Variants in TUSC3 observed in about 807,000 individuals in gnomAD.
TUSC3 encodes the protein dolichyl-diphosphooligosaccharide--protein glycosyltransferase subunit TUSC3.
A neutral mutation model predicts 44.8 loss-of-function variants in TUSC3; 45 were observed. The ratio of observed to expected loss-of-function variants is 1.00; its 90% CI spans 0.79 to 1.29. The LOEUF (loss-of-function observed/expected upper bound fraction) is 1.29. Among genes scored for constraint, TUSC3 ranks in the 50% most tolerant of loss-of-function variants. The pLI, the probability that TUSC3 is intolerant of heterozygous loss-of-function variation, is 0.00. For missense variants in TUSC3, 519 were observed against 437.9 expected, an observed-to-expected ratio of 1.19 and a Z score of -1.65; for synonymous variants, 212 against 152.9, an observed-to-expected ratio of 1.39 and a Z score of -2.85.
intron 2 of TUSC3, among the ~76,000 whole-genome samples, chr8:15,516,084 C>T (rs374471286): frequency 3.7e-4 from 56 of 152,262 alleles, no homozygotes; most frequent in African/African-American, 1.3e-3. Context: ...ATGTATAAAG[C>T]AGTAAGATTA....
the TUSC3 span, among the ~76,000 whole-genome samples, chr8:15,835,894 TTTC>T: frequency 0.011 from 1,656 of 152,270 alleles, 34 homozygotes; most frequent in African/African-American, 0.037. Flanking sequence ...TTTTTGCATA[TTTC>T]TTCTTCTTAC....
At chr8:15,814,233 G>A in the TUSC3 span, among the ~76,000 whole-genome samples, 1 of 152,174 alleles carries the variant, frequency 6.6e-6, no homozygotes, top group Non-Finnish European at 1.5e-5. Context: ...GTGATTGAGT[G>A]TATGTGTGTG....
At chr8:15,718,141 T>A (rs1312438578) in intron 6 of TUSC3, among the ~76,000 whole-genome samples, 1 of 152,082 alleles carries the variant, frequency 6.6e-6, no homozygotes, top group Non-Finnish European at 1.5e-5. Flanking sequence ...AGTAATAGAT[T>A]GATGAAAGTA....
chr8:15,526,888 A>C (rs1801380227), intron 2 of TUSC3, among the ~76,000 whole-genome samples: 1 of 152,192 alleles, frequency 6.6e-6, no homozygotes, highest in African/African-American at 2.4e-5. Context: ...GAAAAGATAA[A>C]GTACCCATAA....
At chr8:15,643,431 A>G (rs1179473414) in intron 2 of TUSC3, among the ~76,000 whole-genome samples, 1 of 151,482 alleles carries the variant, frequency 6.6e-6, no homozygotes, top group East Asian at 1.9e-4. Flanking sequence ...TTTAAGGAGA[A>G]CCAAAATTTC....
chr8:15,736,826 G>C (rs1585284159), intron 7 of TUSC3, among the ~76,000 whole-genome samples: 1 of 152,078 alleles, frequency 6.6e-6, no homozygotes, highest in Non-Finnish European at 1.5e-5. Context: ...AGACAGTAAT[G>C]TTCCCACTGA....
Position 15,730,714 on chromosome 8 carries a change from A to C in TUSC3, c.847A>C (p.Ile283Leu). 1 of 1,613,182 alleles carries C rather than the reference A, an allele frequency of 6.2e-7. No individual in the cohort carries two copies. The highest frequency in any genetic ancestry group is 8.5e-7 in the Non-Finnish European group (1 of 1,179,410). The change falls in exon 7 of 11, where the codon ATT becomes CTT. Residue 283 changes from isoleucine to leucine, a missense_variant. Coordinates refer to ENST00000503731, the MANE Select transcript of TUSC3 (RefSeq NM_006765.4). ...GGCTCAGTTTGTGGCAGAATCACAC[A>C]TTATTCTGGTACTGAGTATCCTTTT... ...SQAQFVAESHIILVLNAAITM... is the reference protein window; with the variant it reads ...SQAQFVAESHLILVLNAAITM...
chr8:15,611,280 A>G (rs1804749986), intron 1 of TUSC3, among the ~76,000 whole-genome samples: 1 of 152,106 alleles, frequency 6.6e-6, no homozygotes, highest in Admixed American at 6.5e-5. Context: ...CCCGCCTCCC[A>G]GGTTGAAACG....
At chr8:15,523,690 G>GTATATATATA (rs1327611283) in intron 2 of TUSC3, among the ~76,000 whole-genome samples, 26 of 50,978 alleles carry the variant, frequency 5.1e-4, no homozygotes, top group South Asian at 2.9e-3. Context: ...GTGTGTGTGT[G>GTATATATATA]TGTGTGTGTG....
intron 1 of TUSC3, among the ~76,000 whole-genome samples, chr8:15,586,575 T>C (rs1311867596): frequency 1.3e-5 from 2 of 152,150 alleles, no homozygotes; most frequent in African/African-American, 2.4e-5. Flanking sequence ...CACTTCTATC[T>C]AGATCAGGAG....
chr8:15,427,474 C>A (rs1272370076), intron 1 of TUSC3, among the ~76,000 whole-genome samples: 1 of 152,106 alleles, frequency 6.6e-6, no homozygotes, highest in Non-Finnish European at 1.5e-5. Context: ...CCAGTAAGAT[C>A]TCAGGGGTGT....
chr8:15,562,583 A>C (rs1287433850), intron 1 of TUSC3, among the ~76,000 whole-genome samples: 1 of 152,120 alleles, frequency 6.6e-6, no homozygotes, highest in African/African-American at 2.4e-5. Flanking sequence ...TAGGAGGCCA[A>C]AATTAAGGTG....
intron 2 of TUSC3, among the ~76,000 whole-genome samples, chr8:15,527,853 A>G (rs1420846377): frequency 2.0e-5 from 3 of 152,208 alleles, no homozygotes; most frequent in Non-Finnish European, 4.4e-5. Flanking sequence ...TTCCGTATAC[A>G]TTCTCCTCTT....
chr8:15,849,993 T>C, the TUSC3 span, among the ~76,000 whole-genome samples: 51 of 152,232 alleles, frequency 3.4e-4, no homozygotes, highest in African/African-American at 1.1e-3. Flanking sequence ...AGGTAACATT[T>C]GATACCATTC....
At chr8:15,522,458 C>T (rs1215116645) in intron 2 of TUSC3, among the ~76,000 whole-genome samples, 2 of 151,960 alleles carry the variant, frequency 1.3e-5, no homozygotes, top group Non-Finnish European at 2.9e-5. Flanking sequence ...GTCTTGAACT[C>T]CCGAACTCAG....
chr8:15,753,062 T>C lies in TUSC3; in HGVS notation c.1028+4597T>C, dbSNP rs191805077. ...TTTAAGTAATTTTTATATCTTATTC[T>C]TTACTAATGAAAGCTGCTATAGTTT... On this transcript the variant is annotated intron_variant, in intron 9 of 10. Transcript: ENST00000503731. Among the ~76,000 whole-genome samples, 107 of 152,130 alleles carry C rather than the reference T, an allele frequency of 7.0e-4. No homozygotes were observed. The East Asian group carries it at 0.013, about 18-fold the overall frequency.
chr8:15,850,075 G>C, the TUSC3 span, among the ~76,000 whole-genome samples: 2 of 150,384 alleles, frequency 1.3e-5, no homozygotes, highest in Non-Finnish European at 2.9e-5. Flanking sequence ...TTGTAGCTCT[G>C]ACAGTGATTT....
chr8:15,836,503 A>G, the TUSC3 span, among the ~76,000 whole-genome samples: 1 of 151,488 alleles, frequency 6.6e-6, no homozygotes, highest in African/African-American at 2.4e-5. Flanking sequence ...TTAATATAAG[A>G]TTGGTACTAG....
chr8:15,550,162 C>T (rs1802011955), intron 1 of TUSC3, among the ~76,000 whole-genome samples: 1 of 151,840 alleles, frequency 6.6e-6, no homozygotes, highest in East Asian at 2.0e-4. Flanking sequence ...AGGGGTCGTT[C>T]TTTAACTACC....
Sources: allele counts gnomAD v4.1 joint callset (sites outside exome capture counted in the v4.1 genomes callset), GRCh38; gene constraint gnomAD v4.1.1; transcripts MANE v1.5; gene names NCBI Gene and HGNC (gene_info 2026-07-23, HGNC 2026-07-21).